ZDHHC15: variants seen among roughly 807,000 people sequenced by gnomAD.
ZDHHC15 encodes zDHHC palmitoyltransferase 15.
Under a neutral mutation model 31.7 loss-of-function variants are expected in ZDHHC15, and 19 were observed. The observed-to-expected ratio is 0.60, with a 90% CI of 0.42 to 0.88. ZDHHC15 has a LOEUF of 0.88. Among genes scored for constraint, ZDHHC15 ranks in the 40% least tolerant of loss-of-function variants. The pLI is 0.00. For missense variants in ZDHHC15, 209 were observed against 251.2 expected, an observed-to-expected ratio of 0.83 and a Z score of 1.14; for synonymous variants, 103 against 90.0, an observed-to-expected ratio of 1.14 and a Z score of -0.82.
intron 1 of ZDHHC15, among the ~76,000 whole-genome samples, 188 bp downstream of exon 1, chrX:75,522,700 CG>C (rs1285915374): frequency 9.1e-6 from 1 of 109,795 alleles, no homozygotes; most frequent in Non-Finnish European, 1.9e-5. Context: ...GGAGACACGG[CG>C]GGACCCTGGT....
chrX:75,403,759 C>T (rs1359387245), intron 10 of ZDHHC15, among the ~76,000 whole-genome samples: 1 of 112,352 alleles, frequency 8.9e-6, no homozygotes, highest in Admixed American at 9.4e-5. Context: ...ATATCCCATG[C>T]TGATGGACAG....
At chrX:75,508,637 A>T (rs1209832289) in intron 1 of ZDHHC15, among the ~76,000 whole-genome samples, 1 of 110,427 alleles carries the variant, frequency 9.1e-6, no homozygotes, top group Non-Finnish European at 1.9e-5. Context: ...TAGTAACATG[A>T]TTTATAATCC....
intron 3 of ZDHHC15, among the ~76,000 whole-genome samples, chrX:75,451,477 G>A (rs2084116995): frequency 8.9e-6 from 1 of 112,035 alleles, no homozygotes; most frequent in Non-Finnish European, 1.9e-5. Context: ...AGTCTCGTAT[G>A]GAGCTTGTTG....
intron 10 of ZDHHC15, 66 bp downstream of exon 10, chrX:75,417,021 A>G (rs1328371032): frequency 1.1e-6 from 1 of 908,805 alleles, no homozygotes; most frequent in East Asian, 3.2e-5. Flanking sequence ...CTTTCTGGAC[A>G]CTATTTACTC....
At chrX:75,413,814 C>T in intron 10 of ZDHHC15, among the ~76,000 whole-genome samples, 1 of 109,694 alleles carries the variant, frequency 9.1e-6, no homozygotes, top group Non-Finnish European at 1.9e-5. Context: ...TACTCCCAGC[C>T]CCCGACCCCG....
At chrX:75,502,861 G>A (rs2085107780) in intron 2 of ZDHHC15, among the ~76,000 whole-genome samples, 1 of 110,583 alleles carries the variant, frequency 9.0e-6, no homozygotes, top group Non-Finnish European at 1.9e-5. Flanking sequence ...ACATTATCAT[G>A]TTTTTAAAAG....
At chrX:75,444,551 G>A (rs1350978541) in intron 4 of ZDHHC15, among the ~76,000 whole-genome samples, 8 of 100,662 alleles carry the variant, frequency 7.9e-5, no homozygotes, top group Non-Finnish European at 1.6e-4. Flanking sequence ...ACACCAACAT[G>A]GCACATGTAT....
chrX:75,502,515 A>G (rs2148041284), intron 2 of ZDHHC15, among the ~76,000 whole-genome samples: 1 of 112,076 alleles, frequency 8.9e-6, no homozygotes. Flanking sequence ...TAGTATGCAA[A>G]CCATTTAAAA....
chrX:75,520,005 C>A (rs757789442), intron 1 of ZDHHC15, among the ~76,000 whole-genome samples: 1 of 112,096 alleles, frequency 8.9e-6, no homozygotes, highest in Non-Finnish European at 1.9e-5. Flanking sequence ...TTTACCTCTG[C>A]ATTAGTTTAG....
chrX:75,519,355 T>C (rs1424204806), intron 1 of ZDHHC15, among the ~76,000 whole-genome samples: 2 of 111,520 alleles, frequency 1.8e-5, no homozygotes, highest in East Asian at 5.7e-4. Flanking sequence ...TGAACTGTGA[T>C]GCATGCTTTT....
chrX:75,380,967 T>C (rs1172062661), intron 10 of ZDHHC15, among the ~76,000 whole-genome samples: 2 of 111,429 alleles, frequency 1.8e-5, no homozygotes, highest in Non-Finnish European at 3.8e-5. Context: ...TTTGGCAGTA[T>C]AGGTACACTT....
At chrX:75,458,001 T>C (rs2084251692) in intron 3 of ZDHHC15, among the ~76,000 whole-genome samples, 1 of 111,219 alleles carries the variant, frequency 9.0e-6, no homozygotes, top group African/African-American at 3.3e-5. Flanking sequence ...GAGGAACAAC[T>C]ATATTTATAT....
chrX:75,492,689 C>A (rs1467275023), intron 2 of ZDHHC15, among the ~76,000 whole-genome samples: 3 of 111,469 alleles, frequency 2.7e-5, no homozygotes, highest in Non-Finnish European at 5.7e-5. Flanking sequence ...CTACTGGGTA[C>A]ATAACAAAAT....
chrX:75,493,398 T>C (rs1388476241), intron 2 of ZDHHC15, among the ~76,000 whole-genome samples: 3 of 111,467 alleles, frequency 2.7e-5, no homozygotes, highest in Non-Finnish European at 3.8e-5. Flanking sequence ...TTCCAATCAA[T>C]AGAAAAAGGG....
intron 3 of ZDHHC15, among the ~76,000 whole-genome samples, chrX:75,466,679 G>A (rs1239910978): frequency 9.0e-6 from 1 of 111,347 alleles, no homozygotes; most frequent in Non-Finnish European, 1.9e-5. Flanking sequence ...TAGAGAAAAT[G>A]TGGTACATAT....
rs1290911614 is a variant in ZDHHC15 at position 75,369,020 on chromosome X, T to C, written c.*3958A>G. On this transcript the variant is annotated 3_prime_UTR_variant, in exon 12 of 12. Transcript: ENST00000373367. The stretch of plus-strand genomic sequence containing the variant: ...TGGTTAAAGAAATGCAGATGTACCA[T>C]ACCTCATCAACCAATTCCTAACGAG... 1 of 111,787 alleles carries C rather than the reference T, an allele frequency of 8.9e-6. No individual in the cohort carries two copies. Among genetic ancestry groups the C allele is most frequent in the Non-Finnish European group, 1.9e-5 (1 of 53,197 alleles). The allele number at this position is 111,787 out of a possible 1,213,427, so 9.2% of individuals were successfully genotyped here.
At chrX:75,500,392 T>C (rs1030990285) in intron 2 of ZDHHC15, among the ~76,000 whole-genome samples, 3 of 110,357 alleles carry the variant, frequency 2.7e-5, no homozygotes, top group Admixed American at 9.8e-5. Context: ...ATTTATGATA[T>C]ATTATTAAAA....
At chrX:75,460,563 G>A (rs1407301400) in intron 3 of ZDHHC15, among the ~76,000 whole-genome samples, 3 of 110,707 alleles carry the variant, frequency 2.7e-5, no homozygotes, top group African/African-American at 6.6e-5. Context: ...ACCCCCCTGG[G>A]ATGGAGGTTC....
chrX:75,516,246 T>C (rs892090865), intron 1 of ZDHHC15, among the ~76,000 whole-genome samples: 1 of 111,954 alleles, frequency 8.9e-6, no homozygotes, highest in Non-Finnish European at 1.9e-5. Context: ...TTAAAGTTCA[T>C]GTGGAACCAA....
Sources: allele counts gnomAD v4.1 joint callset (sites outside exome capture counted in the v4.1 genomes callset), GRCh38; gene constraint gnomAD v4.1.1; transcripts MANE v1.5; gene names NCBI Gene and HGNC (gene_info 2026-07-23, HGNC 2026-07-21).